The following LRP5 variants were observed in gnomAD, a reference collection of about 807,000 sequenced individuals.
LRP5 encodes the protein low-density lipoprotein receptor-related protein 5.
In LRP5, 62 loss-of-function variants were observed where a neutral mutation model predicts 154.1. That is an observed-to-expected ratio of 0.40 (90% CI 0.33 to 0.50). The LOEUF is 0.50. LRP5 is among the 20% of genes least tolerant of loss of function. The pLI is 0.55. For missense variants in LRP5, 1,915 were observed against 2,336.7 expected (o/e 0.82, Z 3.72); for synonymous variants, 966 against 1,011.5 (o/e 0.96, Z 0.85).
Position 68,447,412 on chromosome 11 carries a change from C to A in LRP5, c.4586+879C>A, listed in dbSNP as rs114842759. Reference sequence around the variant, plus strand: ...GCCTGCCACCTAGTGGCCATTTCCACGAACTCCCAGGCCTGGCTGGGGAGC... The same window carrying A: ...GCCTGCCACCTAGTGGCCATTTCCAAGAACTCCCAGGCCTGGCTGGGGAGC... On this transcript the variant is annotated intron_variant, in intron 22 of 22. Transcript: ENST00000294304. This position sits in a 1 kb window ranked among gnomAD's most constrained non-coding sequence, Gnocchi z 4.3. Among the ~76,000 whole-genome samples, 1 of 152,144 alleles carries A rather than the reference C, an allele frequency of 6.6e-6. No individual in the cohort carries two copies. Among genetic ancestry groups the A allele is most frequent in the Non-Finnish European group, 1.5e-5 (1 of 68,020 alleles).
intron 5 of LRP5, among the ~76,000 whole-genome samples, chr11:68,378,600 T>G (rs1159317963): frequency 6.6e-6 from 1 of 152,176 alleles, no homozygotes; most frequent in Non-Finnish European, 1.5e-5. Flanking sequence ...TTTTTCCTCT[T>G]ATAAAATAAC....
intron 16 of LRP5, 74 bp downstream of exon 16, chr11:68,426,261 G>A: frequency 1.5e-6 from 2 of 1,321,864 alleles, no homozygotes; most frequent in Non-Finnish European, 1.1e-6. Context: ...GGAGGCCAGT[G>A]CAAGATCCTG....
Position 68,426,113 on chromosome 11 carries a change from G to A in LRP5, c.3563G>A (p.Arg1188Gln), listed in dbSNP as rs559854587. Residue 1188 changes from arginine (R) to glutamine (Q), a missense_variant, in exon 16 of 23, where the codon CGG (arginine) becomes CAG (glutamine). Arg to Gln is a conservative substitution (Grantham distance 43). Coordinates refer to ENST00000294304, the MANE Select transcript of LRP5 (RefSeq NM_002335.4). ...ERVEKTTGDK[R>Q]TRIQGRVAHL... ...GTGGAGAAGACCACCGGGGACAAGC[G>A]GACTCGCATCCAGGGCCGTGTCGCC... 1.1e-5 allele frequency: 17 copies of A among 1,613,354 alleles called. No homozygotes were observed. Among genetic ancestry groups the A allele is most frequent in the East Asian group, 4.5e-5 (2 of 44,884 alleles).
chr11:68,391,888 CGA>C (rs2098646549), intron 7 of LRP5, among the ~76,000 whole-genome samples: 1 of 152,204 alleles, frequency 6.6e-6, no homozygotes, highest in Admixed American at 6.5e-5. Flanking sequence ...CTCACCCAGG[CGA>C]GAGTGCAGTG....
intron 5 of LRP5, 68 bp downstream of exon 5, chr11:68,365,770 C>A: frequency 7.0e-7 from 1 of 1,434,292 alleles, no homozygotes; most frequent in Non-Finnish European, 9.3e-7. Context: ...TTGCGGCCGC[C>A]GGGGGTGCCC....
intron 1 of LRP5, among the ~76,000 whole-genome samples, chr11:68,318,731 C>A (rs1488325160): frequency 6.6e-6 from 1 of 152,146 alleles, no homozygotes; most frequent in East Asian, 1.9e-4. Flanking sequence ...AGGACCCCTT[C>A]AAGGATATGA....
Position 68,392,825 on chromosome 11 carries a change from G to A in LRP5, c.1584+2773G>A, listed in dbSNP as rs111786516. 4.3e-3 allele frequency among the ~76,000 whole-genome samples: 653 copies of A among 152,254 alleles called. 8 individuals carry two copies. Among genetic ancestry groups the A allele is most frequent in the African/African-American group, 0.015 (639 of 41,512 alleles). ...CAGATTCACCCACACATTGTCGCAC[G>A]TTATCAGAACCTCATTCCTGACTGG... On this transcript the variant is annotated intron_variant, in intron 7 of 22. Coordinates refer to ENST00000294304, the MANE Select transcript of LRP5 (RefSeq NM_002335.4).
chr11:68,422,732 C>A (rs1591308618), intron 13 of LRP5, among the ~76,000 whole-genome samples: 1 of 152,130 alleles, frequency 6.6e-6, no homozygotes, highest in East Asian at 1.9e-4. Context: ...TCCCCACACT[C>A]ACCTGCCCCT....
intron 13 of LRP5, among the ~76,000 whole-genome samples, chr11:68,422,168 A>G (rs2098666183): frequency 6.6e-6 from 1 of 152,018 alleles, no homozygotes; most frequent in Non-Finnish European, 1.5e-5. Flanking sequence ...GACTAGTCTC[A>G]AACTCCTGAA....
rs146404570 is a variant in LRP5, at chr11:68,436,978, G to A, written c.4090G>A (p.Gly1364Ser). The A allele has an allele frequency of 1.0e-4, 168 of 1,613,510 alleles. No individual in the cohort carries two copies. Among genetic ancestry groups the A allele is most frequent in the Non-Finnish European group, 1.4e-4 (160 of 1,179,908 alleles). The change falls in exon 19 of 23, where the codon GGC becomes AGC. Residue 1364 changes from glycine (G) to serine (S), a missense_variant. Gly to Ser is a moderately conservative substitution (Grantham distance 56). Transcript: ENST00000294304. ...CGACTCCTTCCCCGACTGTATCGAC[G>A]GCTCCGACGAGCTCATGTGTGGTGA... ...QCDSFPDCIDGSDELMCEITK... is the reference protein window; with the variant it reads ...QCDSFPDCIDSSDELMCEITK...
intron 1 of LRP5, among the ~76,000 whole-genome samples, chr11:68,346,118 G>A (rs1460788962): frequency 6.6e-6 from 1 of 152,140 alleles, no homozygotes; most frequent in Non-Finnish European, 1.5e-5. Context: ...CATTCTGTGG[G>A]TTGCCTTTTT....
At chr11:68,316,882 A>G (rs780325459) in intron 1 of LRP5, among the ~76,000 whole-genome samples, 3 of 152,206 alleles carry the variant, frequency 2.0e-5, no homozygotes, top group Non-Finnish European at 4.4e-5. Flanking sequence ...AGTTCAGGTT[A>G]CAGAAGCCGT....
chr11:68,357,129 G>A (rs1241277805), intron 2 of LRP5, among the ~76,000 whole-genome samples: 1 of 151,984 alleles, frequency 6.6e-6, no homozygotes, highest in East Asian at 1.9e-4. Flanking sequence ...TAGGGACGGG[G>A]TTTCACTGTG....
At chr11:68,443,444 C>T (rs1168732271) in intron 21 of LRP5, among the ~76,000 whole-genome samples, 2 of 134,038 alleles carry the variant, frequency 1.5e-5, no homozygotes, top group Admixed American at 7.6e-5. Flanking sequence ...GAGCCGAGAT[C>T]GCGCCATTGC....
chr11:68,339,971 T>G (rs2098607969), intron 1 of LRP5, among the ~76,000 whole-genome samples: 1 of 152,202 alleles, frequency 6.6e-6, no homozygotes, highest in Admixed American at 6.5e-5. Flanking sequence ...CTGGGCTTGG[T>G]GGCTCACACC....
rs1183959113 is a variant in LRP5 at position 68,425,971 on chromosome 11, C to CT, written c.3428-5dup. 6.2e-7 allele frequency: 1 copy of CT among 1,609,278 alleles called. No homozygotes were observed. Among genetic ancestry groups the CT allele is most frequent in the South Asian group, 1.1e-5 (1 of 91,086 alleles). On this transcript the variant is annotated splice_polypyrimidine_tract_variant and splice_region_variant and intron_variant, in intron 15 of 22. Transcript: ENST00000294304. ...ACTGCTCAGGGGGGCCCACGGGCTGCTTGCAGGGGCCAACCGCCTGACCCT... is the reference window on the plus strand; with the variant it reads ...ACTGCTCAGGGGGGCCCACGGGCTGCTTTGCAGGGGCCAACCGCCTGACCCT...
Position 68,448,935 on chromosome 11 carries a change from C to T in LRP5, c.4713C>T (p.Asp1571=). The T allele has an allele frequency of 6.2e-7, 1 of 1,613,510 alleles. No homozygotes were observed. Among genetic ancestry groups the T allele is most frequent in the Non-Finnish European group, 8.5e-7 (1 of 1,180,010 alleles). The change falls in exon 23 of 23, where the codon GAC becomes GAT. Residue 1571 remains aspartate, a synonymous_variant. Transcript: ENST00000294304. ...KYYLDLNSDS[D]PYPPPPTPHS... ...ACCTGGATTTGAACTCGGACTCAGA[C>T]CCCTATCCACCCCCACCCACGCCCC...
chr11:68,310,742 G>A (rs1237277380), upstream of LRP5, among the ~76,000 whole-genome samples: 2 of 142,596 alleles, frequency 1.4e-5, no homozygotes, highest in African/African-American at 5.4e-5. Flanking sequence ...GCCACAGAGT[G>A]AGACCCTGTC....
rs147052169 is a variant in LRP5, at chr11:68,400,550, G to A, written c.1585-2933G>A. ...GGCCTGACCAAGATGGAGAAACCCC[G>A]TCTCTACTAAAAATAAATAAATAAA... On this transcript the variant is annotated intron_variant, in intron 7 of 22. Coordinates refer to ENST00000294304, the MANE Select transcript of LRP5 (RefSeq NM_002335.4). 9.7e-5 allele frequency among the ~76,000 whole-genome samples: 13 copies of A among 134,628 alleles called. 1 individual carries two copies. In the East Asian group the frequency reaches 1.8e-3, roughly 18 times the overall value. 88.3% of individuals were successfully genotyped at this position (134,628 alleles called of 152,430 possible). A position where few individuals can be genotyped will look rare whatever the true frequency, so the allele number is the denominator to read the frequency against.
Sources: allele counts gnomAD v4.1 joint callset (sites outside exome capture counted in the v4.1 genomes callset), GRCh38; gene constraint gnomAD v4.1.1; non-coding constraint Gnocchi (gnomAD v3.1); transcripts MANE v1.5; gene names NCBI Gene and HGNC (gene_info 2026-07-23, HGNC 2026-07-21).